Variants in CACNA2D3 observed in about 807,000 individuals in gnomAD.
The protein encoded by CACNA2D3 is calcium voltage-gated channel auxiliary subunit alpha2delta 3.
A neutral mutation model predicts 160.6 loss-of-function variants in CACNA2D3; 60 were observed. That is an observed-to-expected ratio of 0.37 (90% CI 0.30 to 0.46). The LOEUF (loss-of-function observed/expected upper bound fraction) is 0.46. Among genes scored for constraint, CACNA2D3 ranks in the 20% least tolerant of loss-of-function variants. The probability of loss-of-function intolerance (pLI) is 1.00; values close to 1 mark genes in which losing one functional copy is unlikely to be tolerated. For synonymous variants in CACNA2D3, 558 were observed against 492.9 expected, an observed-to-expected ratio of 1.13 and a Z score of -1.75; for missense variants, 1,205 against 1,365.0, an observed-to-expected ratio of 0.88 and a Z score of 1.85.
intron 12 of CACNA2D3, among the ~76,000 whole-genome samples, chr3:54,759,026 A>G (rs1702032131): frequency 6.6e-6 from 1 of 152,216 alleles, no homozygotes; most frequent in Non-Finnish European, 1.5e-5. Context: ...GACTCTAAAA[A>G]TCCCCAAGTA....
At chr3:54,371,954 G>A (rs1402653372) in intron 3 of CACNA2D3, among the ~76,000 whole-genome samples, 1 of 152,184 alleles carries the variant, frequency 6.6e-6, no homozygotes, top group Non-Finnish European at 1.5e-5. Context: ...CTATAGAAAT[G>A]TTAATATTTG....
chr3:54,896,788 C>T lies in CACNA2D3; in HGVS notation c.2286C>T (p.Asn762=), dbSNP rs35430406. Residue 762 remains asparagine (N), a synonymous_variant, in exon 26 of 38, where the codon AAC becomes AAT. Coordinates refer to ENST00000474759, the MANE Select transcript of CACNA2D3 (RefSeq NM_018398.3). ...LKAGDKENIF[N]ADHFPLWYRR... ...CTGGCGACAAGGAGAACATTTTTAACGCAGACCATTTCCCTCTCTGGTACC... is the reference window on the plus strand; with the variant it reads ...CTGGCGACAAGGAGAACATTTTTAATGCAGACCATTTCCCTCTCTGGTACC... The T allele has an allele frequency of 1.3e-4, 205 of 1,613,986 alleles. No homozygotes were observed. In the African/African-American group the frequency reaches 2.3e-3, roughly 18 times the overall value.
At chr3:54,736,007 G>C (rs181164527) in intron 11 of CACNA2D3, among the ~76,000 whole-genome samples, 1 of 90,940 alleles carries the variant, frequency 1.1e-5, no homozygotes, top group Non-Finnish European at 2.2e-5. Context: ...ATATATATAT[G>C]TATATATATA....
intron 4 of CACNA2D3, among the ~76,000 whole-genome samples, chr3:54,425,879 C>T (rs1699905217): frequency 6.6e-6 from 1 of 152,228 alleles, no homozygotes; most frequent in African/African-American, 2.4e-5. Flanking sequence ...GATCTTGCTG[C>T]CCTTCCACAG....
chr3:54,514,779 G>T (rs1701517578), intron 5 of CACNA2D3, among the ~76,000 whole-genome samples: 1 of 152,130 alleles, frequency 6.6e-6, no homozygotes, highest in African/African-American at 2.4e-5. Flanking sequence ...CTGGGGTGGG[G>T]TGGGAGGTGG....
At chr3:54,704,162 T>C (rs950887495) in intron 11 of CACNA2D3, among the ~76,000 whole-genome samples, 1 of 152,170 alleles carries the variant, frequency 6.6e-6, no homozygotes. Context: ...GTATTGCCAA[T>C]GCAAATGCAG....
At chr3:54,409,937 C>A (rs1387746648) in intron 4 of CACNA2D3, among the ~76,000 whole-genome samples, 1 of 152,178 alleles carries the variant, frequency 6.6e-6, no homozygotes, top group South Asian at 2.1e-4. Context: ...GAAAGTACAG[C>A]AAGTTATTCA....
chr3:54,455,406 G>T (rs768259625), intron 4 of CACNA2D3, among the ~76,000 whole-genome samples: 4 of 152,048 alleles, frequency 2.6e-5, no homozygotes, highest in Non-Finnish European at 4.4e-5. Flanking sequence ...TGTCCACTCA[G>T]ATCATTTGCC....
At chr3:54,173,646 A>C (rs1576978093) in intron 2 of CACNA2D3, among the ~76,000 whole-genome samples, 1 of 152,236 alleles carries the variant, frequency 6.6e-6, no homozygotes. Flanking sequence ...AGCAAACTTT[A>C]GTGGAAATGA....
At chr3:54,196,571 G>A (rs897950777) in intron 2 of CACNA2D3, among the ~76,000 whole-genome samples, 7 of 152,224 alleles carry the variant, frequency 4.6e-5, no homozygotes, top group African/African-American at 1.7e-4. Context: ...AACGGAATCT[G>A]GAAGAATCAG....
chr3:54,152,655 A>G (rs918433290), intron 2 of CACNA2D3, among the ~76,000 whole-genome samples: 2 of 152,270 alleles, frequency 1.3e-5, no homozygotes, highest in Non-Finnish European at 1.5e-5. Context: ...CACAGAATGC[A>G]ATTGTCCTGT....
At chr3:55,073,664 TCCACTGTTGGAGAGAGAGAGTA>T in intron 36 of CACNA2D3, 91 bp from the exon 37 acceptor site, 1 of 1,234,768 alleles carries the variant, frequency 8.1e-7, no homozygotes, top group Non-Finnish European at 1.2e-6. Context: ...TTACATCCTT[TCCACTGTTGGAGAGAGAGAGTA>T]GTTAAGAGAG....
At chr3:54,780,068 T>C (rs944684642) in intron 13 of CACNA2D3, among the ~76,000 whole-genome samples, 1 of 152,204 alleles carries the variant, frequency 6.6e-6, no homozygotes, top group South Asian at 2.1e-4. Context: ...GTCTGTACTA[T>C]ACTTTTCCTA....
In CACNA2D3 at chr3:54,241,809, ACAT is replaced by A. The variant is rs1701978855; in HGVS notation, c.205-78632_205-78630del. 5.9e-5 allele frequency among the ~76,000 whole-genome samples: 9 copies of A among 152,348 alleles called. No individual in the cohort carries two copies. The South Asian group carries it at 1.4e-3, about 25-fold the overall frequency. On this transcript the variant is annotated intron_variant, in intron 2 of 37. Coordinates refer to ENST00000474759, the MANE Select transcript of CACNA2D3 (RefSeq NM_018398.3). The stretch of plus-strand genomic sequence containing the variant: ...GAGTGTGTTGGTGGTGGTAACTGGT[ACAT>A]AGTTCCAACACAGTTGCTTTTATGT...
intron 4 of CACNA2D3, among the ~76,000 whole-genome samples, chr3:54,465,868 G>A (rs1038858580): frequency 7.9e-5 from 12 of 152,150 alleles, no homozygotes; most frequent in East Asian, 5.8e-4. Context: ...CTGAAGGTAA[G>A]GTGCTGGCTG....
At chr3:54,661,736 A>G (rs646929) in intron 11 of CACNA2D3, among the ~76,000 whole-genome samples, 43,658 of 151,942 alleles carry the variant, frequency 0.29, 7,652 homozygotes, top group East Asian at 0.44. Context: ...TCTTGCTGCA[A>G]TAGATTCACC....
At chr3:55,022,534 CCTT>C (rs71961139) in intron 35 of CACNA2D3, among the ~76,000 whole-genome samples, 14,192 of 149,660 alleles carry the variant, frequency 0.095, 2,280 homozygotes, top group African/African-American at 0.33. Context: ...TTTCTTCCTT[CCTT>C]CTTTCTTTCT....
chr3:54,457,433 T>G (rs1700418979), intron 4 of CACNA2D3, among the ~76,000 whole-genome samples: 1 of 152,070 alleles, frequency 6.6e-6, no homozygotes, highest in Non-Finnish European at 1.5e-5. Context: ...TTGATATTAT[T>G]TTGATTTTTA....
chr3:54,860,015 A>AC (rs1559607352), intron 17 of CACNA2D3, among the ~76,000 whole-genome samples: 98 of 80,218 alleles, frequency 1.2e-3, no homozygotes, highest in Non-Finnish European at 2.0e-3. Context: ...CACACACACA[A>AC]ACACACATAT....
Sources: allele counts gnomAD v4.1 joint callset (sites outside exome capture counted in the v4.1 genomes callset), GRCh38; gene constraint gnomAD v4.1.1; transcripts MANE v1.5; gene names NCBI Gene and HGNC (gene_info 2026-07-23, HGNC 2026-07-21).